DMXL1: variants seen among roughly 807,000 people sequenced by gnomAD.
DMXL1 encodes the protein dmX-like protein 1.
A neutral mutation model predicts 319.2 loss-of-function variants in DMXL1; 99 were observed. That is an observed-to-expected ratio of 0.31 (90% CI 0.26 to 0.37). The LOEUF (loss-of-function observed/expected upper bound fraction) is 0.37, where lower values mean the gene tolerates loss of function less well. Ranked by LOEUF, DMXL1 falls within the 10% of genes least tolerant of loss-of-function variation. The pLI is 1.00. For missense variants in DMXL1, 3,745 were observed against 3,595.6 expected, an observed-to-expected ratio of 1.04 and a Z score of -1.06; for synonymous variants, 1,385 against 1,235.2, an observed-to-expected ratio of 1.12 and a Z score of -2.54.
intron 1 of DMXL1, among the ~76,000 whole-genome samples, chr5:119,086,620 G>C (rs1030659885): frequency 1.3e-5 from 2 of 152,174 alleles, no homozygotes; most frequent in African/African-American, 4.8e-5. Flanking sequence ...AGTAGAATTG[G>C]TGTTAGTTCT....
At chr5:119,136,141 A>G (rs1765945078) in intron 13 of DMXL1, among the ~76,000 whole-genome samples, 1 of 152,220 alleles carries the variant, frequency 6.6e-6, no homozygotes, top group Non-Finnish European at 1.5e-5. Context: ...AGCAAAGATC[A>G]CTCATGTTAA....
intron 1 of DMXL1, 99 bp from the exon 2 acceptor site, chr5:119,097,880 T>G (rs1756353046): frequency 1.8e-6 from 2 of 1,124,974 alleles, no homozygotes; most frequent in Non-Finnish European, 2.5e-6. Context: ...TTTAAAACAT[T>G]TATTCTCCCT....
intron 1 of DMXL1, among the ~76,000 whole-genome samples, chr5:119,090,927 C>T (rs1754656591): frequency 6.6e-6 from 1 of 151,846 alleles, no homozygotes; most frequent in Admixed American, 6.6e-5. Context: ...CTGCTTGATC[C>T]ATTCTTCTAT....
At chr5:119,119,630 C>G (rs556117019) in intron 8 of DMXL1, among the ~76,000 whole-genome samples, 2 of 150,874 alleles carry the variant, frequency 1.3e-5, no homozygotes, top group East Asian at 2.0e-4. Flanking sequence ...TGGCCTTAGA[C>G]TCCTGAGTAG....
At chr5:119,082,505 G>A (rs1302617953) in intron 1 of DMXL1, among the ~76,000 whole-genome samples, 5 of 152,012 alleles carry the variant, frequency 3.3e-5, no homozygotes, top group African/African-American at 7.2e-5. Flanking sequence ...GAACTCCTGG[G>A]CTCAAGCAAT....
intron 13 of DMXL1, among the ~76,000 whole-genome samples, 175 bp downstream of exon 13, chr5:119,134,564 A>G (rs1229724858): frequency 6.6e-6 from 1 of 152,214 alleles, no homozygotes; most frequent in Non-Finnish European, 1.5e-5. Context: ...TTAAAAGGAA[A>G]CCATTTCTTT....
intron 42 of DMXL1, among the ~76,000 whole-genome samples, chr5:119,243,891 T>G (rs1171153789): frequency 6.6e-6 from 1 of 152,240 alleles, no homozygotes; most frequent in Non-Finnish European, 1.5e-5. Flanking sequence ...TTTACTTCAT[T>G]AAGTGCCTAT....
At chr5:119,229,462 A>G (rs772237753) in intron 38 of DMXL1, among the ~76,000 whole-genome samples, 22 of 152,180 alleles carry the variant, frequency 1.4e-4, no homozygotes, top group Non-Finnish European at 2.6e-4. Context: ...CACACATATT[A>G]GCCAGCTTGG....
chr5:119,241,692 G>A (rs1426953911), intron 42 of DMXL1, among the ~76,000 whole-genome samples: 3 of 152,150 alleles, frequency 2.0e-5, no homozygotes, highest in African/African-American at 4.8e-5. Flanking sequence ...CATTACTAGT[G>A]GCATGTTGTA....
intron 39 of DMXL1, among the ~76,000 whole-genome samples, chr5:119,234,317 A>G (rs977117434): frequency 6.6e-6 from 1 of 152,118 alleles, no homozygotes; most frequent in Non-Finnish European, 1.5e-5. Flanking sequence ...CCTTTACAAA[A>G]TAATTAAAGA....
At chr5:119,163,150 C>G (rs2150215993) in intron 19 of DMXL1, among the ~76,000 whole-genome samples, 1 of 152,186 alleles carries the variant, frequency 6.6e-6, no homozygotes, top group East Asian at 1.9e-4. Flanking sequence ...GTAATAATTA[C>G]TGTGTGCCAG....
At chr5:119,209,471 T>C (rs1047312690) in intron 34 of DMXL1, among the ~76,000 whole-genome samples, 5 of 152,004 alleles carry the variant, frequency 3.3e-5, no homozygotes, top group Non-Finnish European at 7.4e-5. Flanking sequence ...TGCCTCAGCC[T>C]TCTGAGCAGC....
intron 2 of DMXL1, among the ~76,000 whole-genome samples, chr5:119,099,374 C>T (rs1286181869): frequency 5.3e-5 from 8 of 152,004 alleles, no homozygotes; most frequent in Non-Finnish European, 1.0e-4. Context: ...TCATACCCGG[C>T]TAATTTTTGT....
intron 34 of DMXL1, among the ~76,000 whole-genome samples, chr5:119,214,707 T>C (rs879524877): frequency 2.6e-5 from 4 of 152,208 alleles, no homozygotes; most frequent in Admixed American, 1.3e-4. Flanking sequence ...TTGATTCTTA[T>C]TCAGGTTATC....
At chr5:119,238,096 A>G (rs1353035344) in intron 40 of DMXL1, among the ~76,000 whole-genome samples, 1 of 152,072 alleles carries the variant, frequency 6.6e-6, no homozygotes, top group African/African-American at 2.4e-5. Context: ...TGTTTCTCAT[A>G]TTTTTATTAA....
At chr5:119,083,828 G>A (rs1385977958) in intron 1 of DMXL1, among the ~76,000 whole-genome samples, 1 of 152,088 alleles carries the variant, frequency 6.6e-6, no homozygotes, top group Non-Finnish European at 1.5e-5. Context: ...CTGAGCCACC[G>A]TGCCTGACCA....
chr5:119,142,746 T>C (rs1767686359), intron 13 of DMXL1, among the ~76,000 whole-genome samples: 1 of 152,046 alleles, frequency 6.6e-6, no homozygotes, highest in South Asian at 2.1e-4. Flanking sequence ...CAAATGTTCA[T>C]TGCAGCATTA....
intron 9 of DMXL1, chr5:119,126,709 A>C (rs1763660535): frequency 6.5e-6 from 1 of 153,258 alleles, no homozygotes; most frequent in Non-Finnish European, 1.5e-5. Flanking sequence ...ACTGATGTCC[A>C]AGCTGGCGTT....
At chr5:119,120,643 C>T (rs984002024) in intron 8 of DMXL1, among the ~76,000 whole-genome samples, 20 of 151,978 alleles carry the variant, frequency 1.3e-4, no homozygotes, top group African/African-American at 4.8e-4. Flanking sequence ...CAGTCACAAA[C>T]AATAGTATTG....
Sources: gnomAD v4.1 joint callset for allele counts (sites outside exome capture counted in the v4.1 genomes callset) on GRCh38, gnomAD v4.1.1 for gene constraint, MANE v1.5 for transcripts, NCBI Gene and HGNC (gene_info 2026-07-23, HGNC 2026-07-21) for gene names.